The following SLC9A9 variants were observed in gnomAD, a reference collection of about 807,000 sequenced individuals.
SLC9A9 encodes solute carrier family 9 member A9, also known as sodium/hydrogen exchanger 9.
SLC9A9 carries 62 observed loss-of-function variants against 77.8 expected under a neutral mutation model. The observed-to-expected ratio is 0.80, with a 90% CI of 0.65 to 0.98. SLC9A9 has a LOEUF of 0.98. Ranked by LOEUF, SLC9A9 falls within the 50% of genes least tolerant of loss-of-function variation. SLC9A9 has a pLI of 0.00. For synonymous variants in SLC9A9, 320 were observed against 283.5 expected (o/e 1.13, Z -1.29); for missense variants, 775 against 774.9 (o/e 1.00, Z 0.00).
chr3:143,461,332 T>C (rs190303833), intron 12 of SLC9A9, among the ~76,000 whole-genome samples: 1 of 152,188 alleles, frequency 6.6e-6, no homozygotes, highest in Non-Finnish European at 1.5e-5. Context: ...GTCTAAACCT[T>C]CCAGAGACTA....
At chr3:143,394,805 A>G (rs915137074) in intron 12 of SLC9A9, among the ~76,000 whole-genome samples, 5 of 152,054 alleles carry the variant, frequency 3.3e-5, no homozygotes, top group Admixed American at 2.0e-4. Flanking sequence ...CTATACACCA[A>G]TAACAGACAG....
intron 12 of SLC9A9, among the ~76,000 whole-genome samples, chr3:143,394,860 A>G (rs562582013): frequency 5.3e-4 from 81 of 152,338 alleles, no homozygotes; most frequent in African/African-American, 1.8e-3. Flanking sequence ...TGCTTCAAAG[A>G]GAATAAAATA....
chr3:143,647,857 A>G (rs1235065745), intron 6 of SLC9A9, among the ~76,000 whole-genome samples: 2 of 152,186 alleles, frequency 1.3e-5, no homozygotes, highest in East Asian at 3.8e-4. Flanking sequence ...TTGATTTATC[A>G]ACTTTAGACA....
intron 6 of SLC9A9, among the ~76,000 whole-genome samples, chr3:143,634,758 ATTTG>A (rs2038484796): frequency 6.6e-6 from 1 of 152,118 alleles, no homozygotes; most frequent in Non-Finnish European, 1.5e-5. Context: ...ACTTTGATGT[ATTTG>A]TTTGGGGATT....
At chr3:143,471,822 C>A (rs983057027) in intron 11 of SLC9A9, among the ~76,000 whole-genome samples, 5 of 152,176 alleles carry the variant, frequency 3.3e-5, no homozygotes, top group Non-Finnish European at 5.9e-5. Flanking sequence ...GAATTACCTG[C>A]AATTAAATGT....
intron 5 of SLC9A9, among the ~76,000 whole-genome samples, chr3:143,659,362 A>G (rs544335757): frequency 4.5e-4 from 68 of 152,374 alleles, no homozygotes; most frequent in African/African-American, 1.6e-3. Context: ...TTAAAAGACA[A>G]CTGTGTTAGT....
At chr3:143,557,912 A>G (rs2037015355) in intron 8 of SLC9A9, among the ~76,000 whole-genome samples, 1 of 152,272 alleles carries the variant, frequency 6.6e-6, no homozygotes. Context: ...AAATTTACAT[A>G]AGTAATGAGA....
At chr3:143,379,501 G>A (rs1363621072) in intron 13 of SLC9A9, among the ~76,000 whole-genome samples, 2 of 152,090 alleles carry the variant, frequency 1.3e-5, no homozygotes, top group African/African-American at 2.4e-5. Flanking sequence ...TTTGGTAATC[G>A]AACATTATCA....
intron 6 of SLC9A9, among the ~76,000 whole-genome samples, chr3:143,586,720 A>T (rs558175117): frequency 2.0e-3 from 299 of 152,322 alleles, no homozygotes; most frequent in Non-Finnish European, 3.5e-3. Flanking sequence ...CCTGCCCATT[A>T]TTCTGGCTTA....
At chr3:143,762,174 C>T (rs1430865441) in intron 4 of SLC9A9, among the ~76,000 whole-genome samples, 1 of 152,098 alleles carries the variant, frequency 6.6e-6, no homozygotes, top group Non-Finnish European at 1.5e-5. Context: ...GGGAACATCA[C>T]CCACTGGGGC....
intron 13 of SLC9A9, among the ~76,000 whole-genome samples, chr3:143,374,325 T>C (rs1297245456): frequency 1.4e-5 from 2 of 146,298 alleles, no homozygotes; most frequent in Non-Finnish European, 3.0e-5. Flanking sequence ...CTGGGGAGGC[T>C]GAGGCAGGAG....
At chr3:143,405,177 CTT>C (rs368662242) in intron 12 of SLC9A9, among the ~76,000 whole-genome samples, 10 of 152,134 alleles carry the variant, frequency 6.6e-5, no homozygotes, top group African/African-American at 2.4e-4. Flanking sequence ...GCTGGTCTGC[CTT>C]TTTGTTTGTT....
At chr3:143,481,108 C>G (rs1226442585) in intron 11 of SLC9A9, among the ~76,000 whole-genome samples, 1 of 152,178 alleles carries the variant, frequency 6.6e-6, no homozygotes, top group African/African-American at 2.4e-5. Context: ...GAAGCCTACT[C>G]ACCTTCAAGT....
At chr3:143,597,172 A>G (rs936428539) in intron 6 of SLC9A9, among the ~76,000 whole-genome samples, 6 of 152,216 alleles carry the variant, frequency 3.9e-5, no homozygotes, top group African/African-American at 1.2e-4. Flanking sequence ...GCGCAGGCAC[A>G]CACCTCCACT....
At chr3:143,379,962 C>T (rs1576459287) in intron 13 of SLC9A9, among the ~76,000 whole-genome samples, 1 of 152,226 alleles carries the variant, frequency 6.6e-6, no homozygotes, top group South Asian at 2.1e-4. Context: ...CTCCAATCAT[C>T]CATAAAATGA....
chr3:143,369,579 A>G (rs892544232), intron 13 of SLC9A9, among the ~76,000 whole-genome samples: 4 of 152,196 alleles, frequency 2.6e-5, no homozygotes, highest in Non-Finnish European at 5.9e-5. Flanking sequence ...TACACATTGC[A>G]TACATGTATC....
At position 143,446,863 on chromosome 3, in the gene SLC9A9, AAGGT is replaced by A. The variant is rs576613230; in HGVS notation, c.1469+20170_1469+20173del. ...AAATGCTTCAATATGGCTGAGATAT[AAGGT>A]AGGTGTGTATGTGTGTGTGTGTGTG... On this transcript the variant is annotated intron_variant, in intron 12 of 15. Transcript: ENST00000316549. Among the ~76,000 whole-genome samples, 80 of 142,950 alleles carry A rather than the reference AAGGT, an allele frequency of 5.6e-4. 2 individuals are homozygous for A. The East Asian group carries it at 0.016, about 29-fold the overall frequency. The allele number at this position is 142,950 out of a possible 152,430, so 93.8% of individuals were successfully genotyped here.
chr3:143,556,977 G>A (rs578066110), intron 8 of SLC9A9, among the ~76,000 whole-genome samples: 1 of 152,212 alleles, frequency 6.6e-6, no homozygotes, highest in African/African-American at 2.4e-5. Context: ...GGTTGGAATT[G>A]GTATTTTTAA....
At chr3:143,789,017 T>C (rs188490492) in intron 4 of SLC9A9, among the ~76,000 whole-genome samples, 3 of 152,306 alleles carry the variant, frequency 2.0e-5, no homozygotes, top group East Asian at 1.9e-4. Context: ...GGAAAATTGA[T>C]ACCAGTACTT....
Sources: allele counts gnomAD v4.1 joint callset (sites outside exome capture counted in the v4.1 genomes callset), GRCh38; gene constraint gnomAD v4.1.1; transcripts MANE v1.5; gene names NCBI Gene and HGNC (gene_info 2026-07-23, HGNC 2026-07-21).